Variants in CACNB4 observed in about 807,000 individuals in gnomAD.
CACNB4 encodes the protein voltage-dependent L-type calcium channel subunit beta-4.
In CACNB4, 32 loss-of-function variants were observed where a neutral mutation model predicts 71.2. The ratio of observed to expected loss-of-function variants is 0.45; its 90% confidence interval spans 0.34 to 0.60. CACNB4 has a LOEUF of 0.60. CACNB4 is among the 20% of genes least tolerant of loss of function. The pLI is 0.01. For synonymous variants in CACNB4, 231 were observed against 236.9 expected (o/e 0.97, Z 0.23); for missense variants, 464 against 647.9 (o/e 0.72, Z 3.08).
At chr2:152,027,800 C>T (rs1684056391) in intron 2 of CACNB4, among the ~76,000 whole-genome samples, 2 of 133,540 alleles carry the variant, frequency 1.5e-5, no homozygotes, top group East Asian at 2.3e-4. Context: ...TGCAGTGAGT[C>T]GAGATTGTTG....
intron 2 of CACNB4, among the ~76,000 whole-genome samples, chr2:151,949,937 A>G (rs997310700): frequency 6.6e-6 from 1 of 152,040 alleles, no homozygotes; most frequent in Non-Finnish European, 1.5e-5. Flanking sequence ...AGCCCCAGCT[A>G]CTTGGGAGGC....
At chr2:152,039,841 G>A (rs1684783639) in intron 2 of CACNB4, among the ~76,000 whole-genome samples, 1 of 152,082 alleles carries the variant, frequency 6.6e-6, no homozygotes, top group Admixed American at 6.5e-5. Context: ...CAGACCATAT[G>A]GAAAATAACA....
Position 151,957,488 on chromosome 2 carries a change from T to C in CACNB4, c.148-74118A>G, listed in dbSNP as rs1358328855. On this transcript the variant is annotated intron_variant, in intron 2 of 13. Transcript: ENST00000539935. ...AGGGAGATGAATAAACCAATTACAT[T>C]TTATTTAAAGAAAGACATTCATACT... Among the ~76,000 whole-genome samples the C allele has an allele frequency of 2.6e-5, 4 of 152,226 alleles. No homozygotes were observed. In the East Asian group the frequency reaches 7.7e-4, roughly 29 times the overall value.
intron 3 of CACNB4, among the ~76,000 whole-genome samples, chr2:151,882,501 C>T (rs1019672084): frequency 3.3e-5 from 5 of 152,108 alleles, no homozygotes; most frequent in African/African-American, 1.2e-4. Flanking sequence ...ACAGGCCGGC[C>T]ATGACCTTGT....
intron 2 of CACNB4, among the ~76,000 whole-genome samples, chr2:151,912,117 A>G (rs1188439432): frequency 6.6e-6 from 1 of 152,132 alleles, no homozygotes; most frequent in African/African-American, 2.4e-5. Context: ...TCAAAAAAAC[A>G]GCTCCTGGAT....
At chr2:152,024,795 C>T (rs777314518) in intron 2 of CACNB4, among the ~76,000 whole-genome samples, 2 of 152,204 alleles carry the variant, frequency 1.3e-5, no homozygotes, top group Non-Finnish European at 2.9e-5. Flanking sequence ...GTGGCTCACG[C>T]CTGTAATCCT....
intron 4 of CACNB4, chr2:151,879,660 A>G (rs1357270369): frequency 6.6e-6 from 1 of 152,230 alleles, no homozygotes; most frequent in African/African-American, 2.4e-5. Flanking sequence ...AGCACTTTCT[A>G]TATCAAAGAT....
chr2:152,015,494 C>T (rs1239618779), intron 2 of CACNB4, among the ~76,000 whole-genome samples: 2 of 152,208 alleles, frequency 1.3e-5, no homozygotes, highest in Non-Finnish European at 2.9e-5. Flanking sequence ...TATGGCACAT[C>T]TTCTTAGCAC....
intron 8 of CACNB4, chr2:151,869,769 G>C (rs1344763888): frequency 5.8e-6 from 1 of 173,634 alleles, no homozygotes; most frequent in Admixed American, 5.8e-5. Flanking sequence ...GAGGGGGATA[G>C]AGCCAGGATT....
At chr2:152,004,462 A>G (rs1682604985) in intron 2 of CACNB4, among the ~76,000 whole-genome samples, 1 of 152,054 alleles carries the variant, frequency 6.6e-6, no homozygotes, top group Non-Finnish European at 1.5e-5. Flanking sequence ...CACTAGACCA[A>G]TGTGCAAGAG....
rs185818373 is a variant in CACNB4, at chr2:151,852,561, C to T, written c.1116+887G>A. The T allele has an allele frequency of 9.2e-5, 14 of 152,318 alleles. No individual in the cohort carries two copies. The East Asian group carries it at 2.7e-3, about 29-fold the overall frequency. 9.4% of individuals were successfully genotyped at this position (152,318 alleles called of 1,614,324 possible). A position where few individuals can be genotyped will look rare whatever the true frequency, so the allele number is the denominator to read the frequency against. The stretch of plus-strand genomic sequence containing the variant: ...TTACCACATATTCACTCACTCAATC[C>T]TTACACCAATCCCATGAGATAGGTA... On this transcript the variant is annotated intron_variant, in intron 12 of 13. Transcript: ENST00000539935.
chr2:151,960,603 T>G (rs2099869420), intron 2 of CACNB4, among the ~76,000 whole-genome samples: 1 of 152,186 alleles, frequency 6.6e-6, no homozygotes, highest in African/African-American at 2.4e-5. Flanking sequence ...TTCCAGAGAC[T>G]GGAGGGGCAT....
intron 2 of CACNB4, among the ~76,000 whole-genome samples, chr2:152,001,209 T>C (rs1682381118): frequency 6.6e-6 from 1 of 152,082 alleles, no homozygotes; most frequent in Admixed American, 6.5e-5. Flanking sequence ...GCCTCCTGCC[T>C]CTTGCCTCTC....
At chr2:151,999,269 A>G (rs762540500) in intron 2 of CACNB4, among the ~76,000 whole-genome samples, 1 of 151,680 alleles carries the variant, frequency 6.6e-6, no homozygotes, top group African/African-American at 2.4e-5. Context: ...TTTTTGCTCT[A>G]TCTTTTAAAA....
intron 2 of CACNB4, among the ~76,000 whole-genome samples, chr2:152,086,082 T>C (rs1398903089): frequency 6.6e-6 from 1 of 152,162 alleles, no homozygotes; most frequent in East Asian, 1.9e-4. Context: ...TGGGTTGGTT[T>C]ACACCCTTGG....
At chr2:151,996,019 A>C (rs1230017889) in intron 2 of CACNB4, among the ~76,000 whole-genome samples, 2 of 152,250 alleles carry the variant, frequency 1.3e-5, no homozygotes, top group Non-Finnish European at 2.9e-5. Context: ...TATGAAGAAG[A>C]AAGGCTGGCT....
intron 2 of CACNB4, among the ~76,000 whole-genome samples, chr2:151,916,684 A>G (rs1037932240): frequency 5.9e-5 from 9 of 152,272 alleles, no homozygotes; most frequent in Admixed American, 5.9e-4. Flanking sequence ...ACCTGACTGC[A>G]GAGCCACAAG....
intron 2 of CACNB4, among the ~76,000 whole-genome samples, chr2:152,049,175 C>CT (rs11422328): frequency 0.05 from 7,472 of 149,080 alleles, 608 homozygotes; most frequent in African/African-American, 0.18. Flanking sequence ...TTTTTTTAAA[C>CT]TTTTTTTTGT....
At chr2:151,983,675 T>TCTCA (rs35313966) in intron 2 of CACNB4, among the ~76,000 whole-genome samples, 4,132 of 141,518 alleles carry the variant, frequency 0.029, 74 homozygotes, top group South Asian at 0.055. Flanking sequence ...TAAACTTTGG[T>TCTCA]CACACACACA....
Sources: allele counts gnomAD v4.1 joint callset (sites outside exome capture counted in the v4.1 genomes callset), GRCh38; gene constraint gnomAD v4.1.1; transcripts MANE v1.5; gene names NCBI Gene and HGNC (gene_info 2026-07-23, HGNC 2026-07-21).